Variants in CDH22 observed in about 807,000 individuals in gnomAD.
The protein encoded by CDH22 is cadherin-22.
In CDH22, 30 loss-of-function variants were observed where a neutral mutation model predicts 58.4. The ratio of observed to expected loss-of-function variants is 0.51; its 90% CI spans 0.38 to 0.70. The LOEUF (loss-of-function observed/expected upper bound fraction) is 0.70. Among genes scored for constraint, CDH22 ranks in the 30% least tolerant of loss-of-function variants. The probability of loss-of-function intolerance (pLI) is 0.00; values close to 1 mark genes in which losing one functional copy is unlikely to be tolerated. For synonymous variants in CDH22, 513 were observed against 558.2 expected, an observed-to-expected ratio of 0.92 and a Z score of 1.14; for missense variants, 1,014 against 1,233.9, an observed-to-expected ratio of 0.82 and a Z score of 2.67.
chr20:46,302,967 C>T (rs531827325), intron 1 of CDH22, among the ~76,000 whole-genome samples: 2 of 152,312 alleles, frequency 1.3e-5, no homozygotes, highest in East Asian at 3.9e-4. Flanking sequence ...GACCCAGACA[C>T]CAGCAGCCCG....
intron 2 of CDH22, among the ~76,000 whole-genome samples, chr20:46,243,941 A>G (rs1327895998): frequency 6.6e-6 from 1 of 152,214 alleles, no homozygotes; most frequent in Non-Finnish European, 1.5e-5. Flanking sequence ...AAGTGTGGAA[A>G]GCACGCTTCT....
intron 1 of CDH22, among the ~76,000 whole-genome samples, chr20:46,276,371 G>T (rs1033169734): frequency 6.6e-6 from 1 of 152,314 alleles, no homozygotes; most frequent in African/African-American, 2.4e-5. Context: ...TGGAGGGGCC[G>T]GAGTTGCTTC....
chr20:46,274,971 C>T (rs1361012329), intron 1 of CDH22, among the ~76,000 whole-genome samples: 1 of 152,136 alleles, frequency 6.6e-6, no homozygotes, highest in Non-Finnish European at 1.5e-5. Context: ...CAGATGGGCA[C>T]GGAGGCTCTT....
intron 1 of CDH22, among the ~76,000 whole-genome samples, chr20:46,274,451 C>T (rs6104527): frequency 2.6e-5 from 4 of 152,174 alleles, no homozygotes; most frequent in African/African-American, 7.2e-5. Flanking sequence ...CAATTGGGCC[C>T]TTAGCTTCCA....
intron 4 of CDH22, among the ~76,000 whole-genome samples, chr20:46,226,950 G>A (rs1417952668): frequency 6.6e-6 from 1 of 152,192 alleles, no homozygotes; most frequent in Non-Finnish European, 1.5e-5. Context: ...GCGGGTGGGC[G>A]TGCTGCACCA....
Position 46,240,999 on chromosome 20 carries a change from G to A in CDH22, c.514C>T (p.Pro172Ser). Residue 172 changes from proline to serine, a missense_variant, in exon 3 of 12, where the codon CCC becomes TCC. This residue lies in a region of CDH22 where 806 missense variants were observed against 1,038.7 expected (regional missense o/e 0.78). Transcript: ENST00000537909. Reference sequence around the variant, plus strand: ...AGCTCGGCCACGCTGCCAATATAGGGGCCGTGCAGGAAGCGGGGCTCACTG... The same window carrying A: ...AGCTCGGCCACGCTGCCAATATAGGAGCCGTGCAGGAAGCGGGGCTCACTG... The part of the protein sequence containing the change: ...NDSEPRFLHG[P>S]YIGSVAELSP... The A allele has an allele frequency of 1.2e-6, 2 of 1,613,842 alleles. No homozygotes were observed. Among genetic ancestry groups the A allele is most frequent in the Non-Finnish European group, 1.7e-6 (2 of 1,179,892 alleles).
In CDH22 at chr20:46,174,393, A is replaced by AG; in HGVS notation, c.*112dup. On this transcript the variant is annotated 3_prime_UTR_variant, in exon 12 of 12. Coordinates refer to ENST00000537909, the MANE Select transcript of CDH22 (RefSeq NM_021248.3). This position sits in a 1 kb window ranked among gnomAD's most constrained non-coding sequence, Gnocchi z 4.4. ...AAGTCCCCCCTCCGTCCAGCCGCCA[A>AG]GGGAGGGTTGGGGGAGGGCAGGAAA... 3 of 710,678 alleles carry AG rather than the reference A, an allele frequency of 4.2e-6. No individual in the cohort carries two copies. The South Asian group carries it at 6.4e-5, about 15-fold the overall frequency. 44.0% of individuals were successfully genotyped at this position (710,678 alleles called of 1,614,324 possible).
At chr20:46,301,942 C>G (rs2086654038) in intron 1 of CDH22, among the ~76,000 whole-genome samples, 1 of 152,192 alleles carries the variant, frequency 6.6e-6, no homozygotes, top group South Asian at 2.1e-4. Context: ...GGCTCCTGGA[C>G]AGGAGGTCCC....
In CDH22 at chr20:46,278,674, T is replaced by C. The variant is rs576525183; in HGVS notation, c.-399-26981A>G. On this transcript the variant is annotated intron_variant, in intron 1 of 11. Coordinates refer to ENST00000537909, the MANE Select transcript of CDH22 (RefSeq NM_021248.3). Reference sequence around the variant, plus strand: ...ATCACAGCTCACTGCAGCCCTGACCTCCCAGGCTAAGCAATCCTCCCACCT... The same window carrying C: ...ATCACAGCTCACTGCAGCCCTGACCCCCCAGGCTAAGCAATCCTCCCACCT... Among the ~76,000 whole-genome samples the C allele has an allele frequency of 2.2e-4, 34 of 152,214 alleles. No homozygotes were observed. The South Asian group carries it at 2.3e-3, about 10-fold the overall frequency.
chr20:46,202,984 G>A (rs552349365), intron 7 of CDH22, among the ~76,000 whole-genome samples: 1 of 152,258 alleles, frequency 6.6e-6, no homozygotes, highest in East Asian at 1.9e-4. Flanking sequence ...TCCCTTCTTG[G>A]CTCAGAGCTG....
intron 1 of CDH22, among the ~76,000 whole-genome samples, chr20:46,286,521 G>C (rs2086577459): frequency 6.6e-6 from 1 of 152,186 alleles, no homozygotes; most frequent in African/African-American, 2.4e-5. Flanking sequence ...ATTATTAATA[G>C]CTTTTCATTT....
chr20:46,189,755 C>T (rs1260620839), intron 8 of CDH22, among the ~76,000 whole-genome samples: 3 of 152,162 alleles, frequency 2.0e-5, no homozygotes, highest in Non-Finnish European at 4.4e-5. Flanking sequence ...CCCTAAATTG[C>T]CATCTGCATA....
At chr20:46,188,420 ATT>A (rs2085841545) in intron 8 of CDH22, among the ~76,000 whole-genome samples, 4 of 152,156 alleles carry the variant, frequency 2.6e-5, no homozygotes, top group Admixed American at 1.3e-4. Flanking sequence ...CTAGCGTTCC[ATT>A]ATTGGAACGC....
intron 1 of CDH22, among the ~76,000 whole-genome samples, chr20:46,298,473 G>A (rs1274183553): frequency 6.6e-6 from 1 of 152,200 alleles, no homozygotes; most frequent in Non-Finnish European, 1.5e-5. Context: ...GAGACAGGTA[G>A]TAAGAAGACG....
intron 1 of CDH22, among the ~76,000 whole-genome samples, chr20:46,295,374 C>T (rs1453369851): frequency 6.6e-6 from 1 of 152,234 alleles, no homozygotes; most frequent in Non-Finnish European, 1.5e-5. Flanking sequence ...GAGCTCTCCG[C>T]TGTCCACTCC....
intron 1 of CDH22, among the ~76,000 whole-genome samples, chr20:46,283,607 G>A (rs894251158): frequency 7.2e-5 from 11 of 152,126 alleles, no homozygotes; most frequent in African/African-American, 2.7e-4. Context: ...CAGCGGCAGG[G>A]AATCCAGACC....
intron 10 of CDH22, among the ~76,000 whole-genome samples, chr20:46,183,593 T>TA (rs2085803321): frequency 6.6e-6 from 1 of 152,136 alleles, no homozygotes. Flanking sequence ...CATGCCCAGC[T>TA]AATTATTATT....
At chr20:46,303,051 A>G (rs1028936690) in intron 1 of CDH22, among the ~76,000 whole-genome samples, 1 of 152,126 alleles carries the variant, frequency 6.6e-6, no homozygotes, top group Admixed American at 6.5e-5. Context: ...TCCCCTGCTG[A>G]AAACCTGTGC....
At chr20:46,222,581 G>A (rs193169663) in intron 4 of CDH22, among the ~76,000 whole-genome samples, 1 of 152,310 alleles carries the variant, frequency 6.6e-6, no homozygotes, top group Admixed American at 6.5e-5. Context: ...GGTGGTGGGC[G>A]GGGGCTGGTA....
Sources: allele counts gnomAD v4.1 joint callset (sites outside exome capture counted in the v4.1 genomes callset), GRCh38; gene constraint gnomAD v4.1.1; regional missense constraint gnomAD v4.1.1; non-coding constraint Gnocchi (gnomAD v3.1); transcripts MANE v1.5; gene names NCBI Gene and HGNC (gene_info 2026-07-23, HGNC 2026-07-21).